Variants in CPPED1 observed in about 807,000 individuals in gnomAD.
CPPED1 encodes the protein calcineurin like phosphoesterase domain containing 1, also known as serine/threonine-protein phosphatase CPPED1.
CPPED1 carries 28 observed loss-of-function variants against 28.0 expected under a neutral mutation model. The observed-to-expected ratio is 1.00, with a 90% CI of 0.74 to 1.37. CPPED1 has a LOEUF of 1.37. Ranked by LOEUF, CPPED1 falls within the 40% of genes most tolerant of loss-of-function variation. The pLI is 0.00. For synonymous variants in CPPED1, 198 were observed against 180.2 expected (o/e 1.10, Z -0.79); for missense variants, 504 against 416.5 (o/e 1.21, Z -1.83).
chr16:12,707,820 G>A (rs1280470979), intron 2 of CPPED1, among the ~76,000 whole-genome samples: 5 of 151,812 alleles, frequency 3.3e-5, no homozygotes, highest in East Asian at 1.9e-4. Context: ...AAAAAAAAAC[G>A]CAGCTCATCT....
In CPPED1 at chr16:12,786,516, C is replaced by T. The variant is rs148777455; in HGVS notation, c.71-5113G>A. Among the ~76,000 whole-genome samples the T allele has an allele frequency of 4.6e-3, 695 of 152,266 alleles. 3 individuals carry two copies. Among genetic ancestry groups the T allele is most frequent in the African/African-American group, 0.016 (649 of 41,554 alleles). On this transcript the variant is annotated intron_variant, in intron 1 of 3. Transcript: ENST00000381774. ...TCATTGTTAGGTCTCTGCCTATGTA[C>T]AGGTCATGGATTTGGCCCTAAATAT...
At chr16:12,748,880 C>T (rs1185523111) in intron 2 of CPPED1, among the ~76,000 whole-genome samples, 1 of 75,878 alleles carries the variant, frequency 1.3e-5, no homozygotes, top group Non-Finnish European at 3.2e-5. Context: ...GAGACTCCAT[C>T]TCAAAAAAAA....
intron 3 of CPPED1, among the ~76,000 whole-genome samples, chr16:12,698,551 C>T (rs1405363556): frequency 6.6e-6 from 1 of 152,202 alleles, no homozygotes; most frequent in Non-Finnish European, 1.5e-5. Context: ...TCTGCCTCAG[C>T]CTCCCAAGTA....
chr16:12,723,705 G>A (rs182192730), intron 2 of CPPED1, among the ~76,000 whole-genome samples: 36 of 152,312 alleles, frequency 2.4e-4, no homozygotes, highest in Admixed American at 8.5e-4. Flanking sequence ...AGGGAGGGAC[G>A]ACAGTGAGGT....
chr16:12,759,331 C>T (rs953469001), intron 2 of CPPED1: 1 of 152,234 alleles, frequency 6.6e-6, no homozygotes, highest in African/African-American at 2.4e-5. Context: ...GCTGGGATCC[C>T]CGCCTCTGCT....
chr16:12,726,275 C>T (rs1322763687), intron 2 of CPPED1, among the ~76,000 whole-genome samples: 3 of 149,636 alleles, frequency 2.0e-5, no homozygotes, highest in African/African-American at 4.9e-5. Context: ...CTCCTGACCT[C>T]GTGATTTGCC....
chr16:12,781,780 G>A (rs2141239243), intron 1 of CPPED1, among the ~76,000 whole-genome samples: 1 of 152,224 alleles, frequency 6.6e-6, no homozygotes, highest in South Asian at 2.1e-4. Context: ...AATGCTGCCA[G>A]AAGTATTATA....
rs765286570 is a variant in CPPED1, at chr16:12,776,535, G to A, written c.289+4650C>T. On this transcript the variant is annotated intron_variant, in intron 2 of 3. Transcript: ENST00000381774. ...GGGGGTTCTTTCTCATGCTGTTGTC[G>A]TGACTGTGAATAAGTCTCACGAGAT... 1.1e-4 allele frequency among the ~76,000 whole-genome samples: 16 copies of A among 152,246 alleles called. No homozygotes were observed. In the South Asian group the frequency reaches 2.3e-3, roughly 22 times the overall value.
chr16:12,757,060 A>G (rs909852147), intron 2 of CPPED1, among the ~76,000 whole-genome samples: 10 of 152,208 alleles, frequency 6.6e-5, no homozygotes, highest in African/African-American at 2.2e-4. Context: ...ACTAAGTTAT[A>G]GCACCTCGAG....
chr16:12,759,721 A>G (rs1390236964), intron 2 of CPPED1, among the ~76,000 whole-genome samples: 1 of 152,142 alleles, frequency 6.6e-6, no homozygotes, highest in East Asian at 1.9e-4. Flanking sequence ...TGATGGTTTA[A>G]AAGTGTTGGG....
chr16:12,763,241 A>C (rs2080420450), intron 2 of CPPED1, among the ~76,000 whole-genome samples: 1 of 151,712 alleles, frequency 6.6e-6, no homozygotes, highest in Admixed American at 6.6e-5. Context: ...TTGAAAAAAA[A>C]AAAAAAGAAA....
At chr16:12,762,692 G>A (rs73506392) in intron 2 of CPPED1, among the ~76,000 whole-genome samples, 12,010 of 152,208 alleles carry the variant, frequency 0.079, 1,510 homozygotes, top group African/African-American at 0.26. Flanking sequence ...GAGGTGAAGG[G>A]AAATAGGGAA....
intron 2 of CPPED1, among the ~76,000 whole-genome samples, chr16:12,731,366 A>T (rs751720509): frequency 7.4e-5 from 11 of 149,422 alleles, no homozygotes; most frequent in African/African-American, 1.3e-4. Flanking sequence ...CATTAGAAAA[A>T]TTTTTTTTAA....
intron 3 of CPPED1, among the ~76,000 whole-genome samples, chr16:12,693,941 T>C (rs2079976502): frequency 6.6e-6 from 1 of 152,248 alleles, no homozygotes; most frequent in African/African-American, 2.4e-5. Context: ...TGTTGGCTCA[T>C]GCCTGTAATC....
At chr16:12,698,104 T>TCC (rs1567279348) in intron 3 of CPPED1, among the ~76,000 whole-genome samples, 1 of 151,936 alleles carries the variant, frequency 6.6e-6, no homozygotes, top group African/African-American at 2.4e-5. Context: ...AGTGAGACTC[T>TCC]GACCCCAACC....
intron 2 of CPPED1, among the ~76,000 whole-genome samples, chr16:12,755,282 T>TTC (rs1412929455): frequency 7.5e-5 from 1 of 13,330 alleles, no homozygotes; most frequent in East Asian, 1.8e-3. Context: ...GTATGCATTC[T>TTC]TTTTTTTTTT....
At chr16:12,767,703 A>T (rs2080447336) in intron 2 of CPPED1, among the ~76,000 whole-genome samples, 1 of 152,220 alleles carries the variant, frequency 6.6e-6, no homozygotes, top group African/African-American at 2.4e-5. Context: ...TCATGCCTGT[A>T]ATCCCAGCAC....
intron 2 of CPPED1, among the ~76,000 whole-genome samples, chr16:12,713,366 T>A (rs11075144): frequency 0.76 from 115,331 of 152,036 alleles, 44,004 homozygotes; most frequent in Admixed American, 0.83. Context: ...TTCTTCTTTT[T>A]TATTTTTTAT....
At chr16:12,786,670 C>T (rs1439211452) in intron 1 of CPPED1, among the ~76,000 whole-genome samples, 1 of 152,164 alleles carries the variant, frequency 6.6e-6, no homozygotes, top group Non-Finnish European at 1.5e-5. Flanking sequence ...CCTGTAATCC[C>T]AGCACTTTGG....
Sources: allele counts gnomAD v4.1 joint callset (sites outside exome capture counted in the v4.1 genomes callset), GRCh38; gene constraint gnomAD v4.1.1; transcripts MANE v1.5; gene names NCBI Gene and HGNC (gene_info 2026-07-23, HGNC 2026-07-21).